DTWD2: variants seen among roughly 807,000 people sequenced by gnomAD.
DTWD2 encodes DTW motif tRNA-uridine aminocarboxypropyltransferase 2.
Under a neutral mutation model 31.8 loss-of-function variants are expected in DTWD2, and 39 were observed. The observed-to-expected ratio is 1.22, with a 90% CI of 0.95 to 1.60. The LOEUF is 1.60. Ranked by LOEUF, DTWD2 falls within the 40% of genes most tolerant of loss-of-function variation. The pLI, the probability that DTWD2 is intolerant of heterozygous loss-of-function variation, is 0.00. For missense variants in DTWD2, 515 were observed against 381.5 expected, an observed-to-expected ratio of 1.35 and a Z score of -2.92; for synonymous variants, 180 against 142.8, an observed-to-expected ratio of 1.26 and a Z score of -1.86.
chr5:118,945,004 C>T (rs1424523816), intron 1 of DTWD2, among the ~76,000 whole-genome samples: 2 of 152,162 alleles, frequency 1.3e-5, no homozygotes, highest in Non-Finnish European at 2.9e-5. Context: ...AAAGAGAAAC[C>T]TGGCAACTCT....
chr5:118,848,318 C>G (rs1026251366), intron 4 of DTWD2, 100 bp from the exon 5 acceptor site: 1 of 1,124,642 alleles, frequency 8.9e-7, no homozygotes, highest in South Asian at 1.9e-5. Flanking sequence ...AAACTGCCAG[C>G]AGCTTAGAAG....
chr5:118,938,086 G>A (rs1368271492), intron 3 of DTWD2, among the ~76,000 whole-genome samples: 1 of 152,096 alleles, frequency 6.6e-6, no homozygotes, highest in African/African-American at 2.4e-5. Flanking sequence ...AATGCTTGGT[G>A]GGGAGAAACA....
chr5:118,850,141 G>T (rs1165840373), intron 4 of DTWD2, among the ~76,000 whole-genome samples: 2 of 151,616 alleles, frequency 1.3e-5, no homozygotes, highest in Non-Finnish European at 2.9e-5. Context: ...GAATGAAACT[G>T]GATCTCTACA....
intron 1 of DTWD2, among the ~76,000 whole-genome samples, chr5:118,984,623 G>A (rs11959589): frequency 0.23 from 35,144 of 152,086 alleles, 5,312 homozygotes; most frequent in African/African-American, 0.43. Flanking sequence ...CTTACAGCTT[G>A]TTACTTTTGA....
At chr5:118,900,835 G>C (rs1753189677) in intron 4 of DTWD2, among the ~76,000 whole-genome samples, 1 of 151,570 alleles carries the variant, frequency 6.6e-6, no homozygotes, top group African/African-American at 2.4e-5. Context: ...TGAGGCAGGA[G>C]AATGGGGTGA....
At chr5:118,856,349 T>C (rs1752133899) in intron 4 of DTWD2, among the ~76,000 whole-genome samples, 2 of 152,246 alleles carry the variant, frequency 1.3e-5, no homozygotes, top group Non-Finnish European at 2.9e-5. Context: ...ATTTATTTTA[T>C]GTCTATCTTA....
intron 1 of DTWD2, among the ~76,000 whole-genome samples, chr5:118,958,372 G>A (rs1277422136): frequency 1.3e-5 from 2 of 151,938 alleles, no homozygotes; most frequent in Non-Finnish European, 2.9e-5. Flanking sequence ...GCAGGAGAAT[G>A]GCGTGAATCC....
chr5:118,939,332 A>G (rs771455977), intron 2 of DTWD2, 42 bp from the exon 3 acceptor site: 3 of 1,461,452 alleles, frequency 2.1e-6, no homozygotes, highest in Non-Finnish European at 2.8e-6. Flanking sequence ...TTTTACTTAG[A>G]TATACACACT....
chr5:118,911,953 T>G (rs1230105412), intron 4 of DTWD2, among the ~76,000 whole-genome samples: 1 of 152,218 alleles, frequency 6.6e-6, no homozygotes, highest in East Asian at 1.9e-4. Context: ...GCAAAGGAAC[T>G]GAATCTAACC....
In DTWD2 at chr5:118,939,242, G is replaced by A. The variant is rs553547027; in HGVS notation, c.358C>T (p.Gln120Ter). 3.7e-6 allele frequency: 6 copies of A among 1,603,030 alleles called. No homozygotes were observed. Among genetic ancestry groups the A allele is most frequent in the Admixed American group, 3.4e-5 (2 of 58,588 alleles). Residue 120 changes from glutamine to a stop codon, truncating the protein, a stop_gained, in exon 3 of 6, where the codon CAG (glutamine) becomes TAG (stop). Transcript: ENST00000510708. LOFTEE classifies it high-confidence loss of function. ...TVPLLAACLPQDKCKVKIGRR... is the reference protein window; with the variant it reads ...TVPLLAACLP ...CCGATCTTCACTTTACACTTGTCCT[G>A]GGGGAGGCATGCTGCTAGTAGAGGA...
At chr5:118,986,759 G>A (rs568392132) in intron 1 of DTWD2, among the ~76,000 whole-genome samples, 1 of 152,096 alleles carries the variant, frequency 6.6e-6, no homozygotes, top group South Asian at 2.1e-4. Flanking sequence ...CATAGCAAGA[G>A]GGAGGAGAGC....
intron 4 of DTWD2, among the ~76,000 whole-genome samples, chr5:118,853,866 G>C (rs1417719181): frequency 1.3e-5 from 2 of 152,146 alleles, no homozygotes; most frequent in African/African-American, 4.8e-5. Context: ...AATCTACGAA[G>C]TTAAAAATTT....
chr5:118,949,796 G>A (rs532763704), intron 1 of DTWD2, among the ~76,000 whole-genome samples: 45 of 152,278 alleles, frequency 3.0e-4, no homozygotes, highest in Non-Finnish European at 6.3e-4. Context: ...GGAAAAGGGC[G>A]GCAATGAGTT....
intron 4 of DTWD2, among the ~76,000 whole-genome samples, chr5:118,893,101 C>T (rs746074608): frequency 2.0e-5 from 3 of 151,734 alleles, no homozygotes; most frequent in Non-Finnish European, 4.4e-5. Flanking sequence ...AAAGGCCAAG[C>T]GTGGTGGCTC....
At chr5:118,920,128 C>G (rs1480986567) in intron 4 of DTWD2, among the ~76,000 whole-genome samples, 1 of 152,046 alleles carries the variant, frequency 6.6e-6, no homozygotes, top group African/African-American at 2.4e-5. Flanking sequence ...GCCAAAAAGA[C>G]TGGGGACTGC....
At chr5:118,954,149 T>C (rs1430101513) in intron 1 of DTWD2, among the ~76,000 whole-genome samples, 3 of 152,112 alleles carry the variant, frequency 2.0e-5, no homozygotes, top group African/African-American at 7.2e-5. Flanking sequence ...TGCACAGCTG[T>C]AGTCCCAGCT....
At chr5:118,966,332 C>T (rs1312224213) in intron 1 of DTWD2, among the ~76,000 whole-genome samples, 1 of 152,164 alleles carries the variant, frequency 6.6e-6, no homozygotes, top group Non-Finnish European at 1.5e-5. Context: ...CAGTGGTTGT[C>T]ATAAAGGGTT....
Position 118,988,340 on chromosome 5 carries a change from G to A in DTWD2, c.172C>T (p.Leu58=), listed in dbSNP as rs762314918. Residue 58 remains leucine, a synonymous_variant, in exon 1 of 6, where the codon CTG becomes TTG. Transcript: ENST00000510708. ...CTCCGCTCGGCCGGCTCCACCGGCA[G>A]CTCCCACAGCCCGTCCGCACTGTCG... ...DDDSADGLWE[L]PVEPAERRPE... 2 of 1,550,668 alleles carry A rather than the reference G, an allele frequency of 1.3e-6. No homozygotes were observed. The highest frequency in any genetic ancestry group is 1.7e-6 in the Non-Finnish European group (2 of 1,151,876).
Position 118,939,198 on chromosome 5 carries a change from T to C in DTWD2, c.402A>G (p.Glu134=), listed in dbSNP as rs111897317. Residue 134 remains glutamate (E), a splice_region_variant and synonymous_variant, in exon 3 of 6, where the codon GAA becomes GAG. Coordinates refer to ENST00000510708, the MANE Select transcript of DTWD2 (RefSeq NM_173666.4). ...CATTGCCCTAACAGTTAATTTACCT[T>C]TCTTCACTGAAGCGACGACCGATCT... ...KVKIGRRFSE[E]RDPELSTVCR... is the part of the protein sequence containing the mutation. 2 of 1,601,118 alleles carry C rather than the reference T, an allele frequency of 1.2e-6. No homozygotes were observed. The highest frequency in any genetic ancestry group is 1.1e-5 in the South Asian group (1 of 88,732).
Sources: allele counts gnomAD v4.1 joint callset (sites outside exome capture counted in the v4.1 genomes callset), GRCh38; gene constraint gnomAD v4.1.1; transcripts MANE v1.5; gene names NCBI Gene and HGNC (gene_info 2026-07-23, HGNC 2026-07-21).